DPP4: variants seen among roughly 807,000 people sequenced by gnomAD.
DPP4 encodes the protein ADCP-2.
DPP4 carries 93 observed loss-of-function variants against 122.4 expected under a neutral mutation model. The ratio of observed to expected loss-of-function variants is 0.76; its 90% CI spans 0.64 to 0.90. The LOEUF (loss-of-function observed/expected upper bound fraction) is 0.90. Among genes scored for constraint, DPP4 ranks in the 40% least tolerant of loss-of-function variants. DPP4 has a pLI of 0.00. For synonymous variants in DPP4, 321 were observed against 302.9 expected (o/e 1.06, Z -0.62); for missense variants, 914 against 907.3 (o/e 1.01, Z -0.09).
Position 162,047,013 on chromosome 2 carries a change from A to G in DPP4, c.194-7T>C, listed in dbSNP as rs1302911322. On this transcript the variant is annotated splice_polypyrimidine_tract_variant and splice_region_variant and intron_variant, in intron 3 of 25. Transcript: ENST00000360534. ...TTGTAGAGATATTCATGATCTAAAGAGAGAAAACACCCAGATCAAAATTTC... is the reference window on the plus strand; with the variant it reads ...TTGTAGAGATATTCATGATCTAAAGGGAGAAAACACCCAGATCAAAATTTC... 2.1e-6 allele frequency: 3 copies of G among 1,460,980 alleles called. No homozygotes were observed. The African/African-American group carries it at 4.2e-5, about 21-fold the overall frequency. 90.5% of individuals were successfully genotyped at this position (1,460,980 alleles called of 1,614,324 possible).
intron 25 of DPP4, 148 bp from the exon 26 acceptor site, chr2:161,993,532 G>T (rs1408769046): frequency 1.7e-6 from 1 of 575,950 alleles, no homozygotes; most frequent in Non-Finnish European, 3.0e-6. Flanking sequence ...ACTGAAACGG[G>T]GTCAAAGAGG....
intron 2 of DPP4, among the ~76,000 whole-genome samples, chr2:162,072,215 G>T (rs892410615): frequency 6.6e-6 from 1 of 152,178 alleles, no homozygotes; most frequent in Admixed American, 6.5e-5. Context: ...TTTATCAATT[G>T]TATGACTAGC....
chr2:162,041,165 G>A (rs1228147925), intron 5 of DPP4, among the ~76,000 whole-genome samples: 2 of 152,052 alleles, frequency 1.3e-5, no homozygotes, highest in Admixed American at 6.6e-5. Flanking sequence ...TAAGACCGAA[G>A]ATAAAAATGT....
At chr2:162,014,580 G>A (rs1398125842) in intron 18 of DPP4, 115 bp from the exon 19 acceptor site, 1 of 699,592 alleles carries the variant, frequency 1.4e-6, no homozygotes, top group African/African-American at 1.8e-5. Context: ...TGTTAAATGA[G>A]AGTAGAAAAG....
intron 23 of DPP4, among the ~76,000 whole-genome samples, chr2:161,997,647 C>G (rs774403480): frequency 6.6e-6 from 1 of 152,154 alleles, no homozygotes; most frequent in Admixed American, 6.5e-5. Flanking sequence ...ATACACCATA[C>G]CATTCATGAT....
rs1031456284 is a variant in DPP4, at chr2:162,008,510, C to G, written c.1987+52G>C. The G allele has an allele frequency of 1.8e-5, 26 of 1,456,920 alleles. 1 individual carries two copies. Among genetic ancestry groups the G allele is most frequent in the Non-Finnish European group, 2.5e-5 (26 of 1,037,532 alleles). The allele number at this position is 1,456,920 out of a possible 1,614,324, so 90.2% of individuals were successfully genotyped here. On this transcript the variant is annotated intron_variant, in intron 22 of 25. Transcript: ENST00000360534. ...CAGAAAGGAATGGCTTTGTTACTGG[C>G]ATTTTGAGGTCAACACTCCGTATCT...
intron 11 of DPP4, among the ~76,000 whole-genome samples, chr2:162,024,137 G>A (rs1462070834): frequency 1.3e-5 from 2 of 152,216 alleles, no homozygotes. Context: ...GGATTGGGGA[G>A]GTATCCTTGG....
At chr2:162,041,818 A>G (rs1432776139) in intron 5 of DPP4, among the ~76,000 whole-genome samples, 14 of 152,222 alleles carry the variant, frequency 9.2e-5, no homozygotes, top group Admixed American at 8.5e-4. Flanking sequence ...ACTGGCAGCT[A>G]TCATCTATCA....
At chr2:162,052,639 G>C (rs969990694) in intron 2 of DPP4, among the ~76,000 whole-genome samples, 3 of 152,182 alleles carry the variant, frequency 2.0e-5, no homozygotes, top group Admixed American at 2.0e-4. Context: ...TAAAAATGTG[G>C]AAGTGGCTTG....
At chr2:162,051,528 GT>G (rs1476299740) in intron 2 of DPP4, among the ~76,000 whole-genome samples, 3 of 152,214 alleles carry the variant, frequency 2.0e-5, no homozygotes, top group African/African-American at 7.2e-5. Context: ...GTGGAAAGTT[GT>G]TAAAAACAGG....
At chr2:162,018,526 T>C (rs1683000848) in intron 16 of DPP4, among the ~76,000 whole-genome samples, 1 of 152,154 alleles carries the variant, frequency 6.6e-6, no homozygotes, top group Admixed American at 6.5e-5. Flanking sequence ...CATGTGTGAG[T>C]GTGTTCGGTC....
At chr2:162,003,959 G>A (rs1271507610) in intron 23 of DPP4, among the ~76,000 whole-genome samples, 3 of 152,110 alleles carry the variant, frequency 2.0e-5, no homozygotes, top group East Asian at 3.9e-4. Context: ...ATCAAAAGGG[G>A]ATTCCAAAGG....
At chr2:162,043,176 GT>G (rs1370506316) in intron 5 of DPP4, among the ~76,000 whole-genome samples, 1 of 152,164 alleles carries the variant, frequency 6.6e-6, no homozygotes, top group Non-Finnish European at 1.5e-5. Context: ...AGATATCCGT[GT>G]TTTTTCAAAA....
intron 2 of DPP4, among the ~76,000 whole-genome samples, chr2:162,058,250 C>T (rs746989445): frequency 4.6e-5 from 7 of 152,140 alleles, no homozygotes; most frequent in Non-Finnish European, 7.4e-5. Context: ...AGTCACATAC[C>T]ATGCAGCTGT....
At chr2:162,019,395 G>A in intron 14 of DPP4, 119 bp from the exon 15 acceptor site, 11 of 614,968 alleles carry the variant, frequency 1.8e-5, no homozygotes, top group Non-Finnish European at 2.7e-5. Flanking sequence ...GGTGCCCGCC[G>A]CCCTCCGCCA....
intron 23 of DPP4, 39 bp from the exon 24 acceptor site, chr2:161,995,411 A>G: frequency 3.2e-6 from 5 of 1,570,366 alleles, no homozygotes; most frequent in Non-Finnish European, 4.4e-6. Flanking sequence ...TCAAAAAAGG[A>G]TCTGCCATAA....
Position 162,016,884 on chromosome 2 carries a change from AC to A in DPP4, c.1469-19del, listed in dbSNP as rs1360144223. 3 of 1,592,768 alleles carry A rather than the reference AC, an allele frequency of 1.9e-6. No individual in the cohort carries two copies. The Admixed American group carries it at 5.4e-5, about 29-fold the overall frequency. On this transcript the variant is annotated intron_variant, in intron 17 of 25. Transcript: ENST00000360534. ...TCTCAGCCCTAAAGAAATACAGGAGACAGCAGTCATTCATTACAATGTGAAA... is the reference window on the plus strand; with the variant it reads ...TCTCAGCCCTAAAGAAATACAGGAGAAGCAGTCATTCATTACAATGTGAAA...
At chr2:162,042,742 T>C (rs191100169) in intron 5 of DPP4, among the ~76,000 whole-genome samples, 23 of 152,246 alleles carry the variant, frequency 1.5e-4, no homozygotes, top group Admixed American at 4.6e-4. Flanking sequence ...GCATCTGCTA[T>C]GTGGCCCTGT....
At chr2:162,033,698 A>C (rs1257049814) in intron 9 of DPP4, 45 bp from the exon 10 acceptor site, 2 of 1,307,386 alleles carry the variant, frequency 1.5e-6, no homozygotes, top group Admixed American at 4.2e-5. Flanking sequence ...AAAAAAAAAA[A>C]GTAACATCGT....
Sources: allele counts gnomAD v4.1 joint callset (sites outside exome capture counted in the v4.1 genomes callset), GRCh38; gene constraint gnomAD v4.1.1; transcripts MANE v1.5; gene names NCBI Gene and HGNC (gene_info 2026-07-23, HGNC 2026-07-21).